Variants in CDH13 observed in about 807,000 individuals in gnomAD.
The protein encoded by CDH13 is cadherin 13, also known as cadherin-13.
A neutral mutation model predicts 63.8 loss-of-function variants in CDH13; 24 were observed. The ratio of observed to expected loss-of-function variants is 0.38; its 90% CI spans 0.27 to 0.53. The LOEUF (loss-of-function observed/expected upper bound fraction) is 0.53. CDH13 is among the 20% of genes least tolerant of loss of function. The probability of loss-of-function intolerance (pLI) is 0.85; values close to 1 mark genes in which losing one functional copy is unlikely to be tolerated. For synonymous variants in CDH13, 503 were observed against 355.3 expected, an observed-to-expected ratio of 1.42 and a Z score of -4.67; for missense variants, 1,049 against 903.1, an observed-to-expected ratio of 1.16 and a Z score of -2.07.
rs550907448 is a variant in CDH13 at position 83,117,377 on chromosome 16, G to A, written c.367-8008G>A. Among the ~76,000 whole-genome samples, 19 of 149,128 alleles carry A rather than the reference G, an allele frequency of 1.3e-4. No homozygotes were observed. In the East Asian group the frequency reaches 3.7e-3, roughly 29 times the overall value. On this transcript the variant is annotated intron_variant, in intron 3 of 13. Transcript: ENST00000567109. ...AGTGCCTCCTCCTCCTGCCCCCTTGGCCCATTCTTCCTCCATCTTCCACTG... is the reference window on the plus strand; with the variant it reads ...AGTGCCTCCTCCTCCTGCCCCCTTGACCCATTCTTCCTCCATCTTCCACTG...
At chr16:83,694,482 AGT>A (rs1365182009) in intron 10 of CDH13, among the ~76,000 whole-genome samples, 1 of 152,212 alleles carries the variant, frequency 6.6e-6, no homozygotes, top group African/African-American at 2.4e-5. Context: ...CCCTTCCACA[AGT>A]GTGAGTCTTC....
chr16:83,423,356 C>T (rs2071774557), intron 6 of CDH13, among the ~76,000 whole-genome samples: 1 of 152,114 alleles, frequency 6.6e-6, no homozygotes, highest in African/African-American at 2.4e-5. Flanking sequence ...GAAAAAAAGC[C>T]TAAAGCCACT....
intron 7 of CDH13, among the ~76,000 whole-genome samples, chr16:83,503,261 C>T (rs1175576951): frequency 6.6e-6 from 1 of 152,148 alleles, no homozygotes; most frequent in Non-Finnish European, 1.5e-5. Context: ...CTAAGAAATA[C>T]AGGACAACTG....
At chr16:82,888,470 T>G (rs2040967859) in intron 2 of CDH13, among the ~76,000 whole-genome samples, 1 of 152,232 alleles carries the variant, frequency 6.6e-6, no homozygotes. Flanking sequence ...AATGCCCCAG[T>G]GCTCTCTGTC....
At chr16:82,750,325 A>C (rs2034358088) in intron 1 of CDH13, among the ~76,000 whole-genome samples, 1 of 152,142 alleles carries the variant, frequency 6.6e-6, no homozygotes. Context: ...TCTGGTCTTT[A>C]ATCTGTTTTT....
chr16:82,703,964 TTTCCAA>T (rs1319668251), intron 1 of CDH13, among the ~76,000 whole-genome samples: 1 of 152,174 alleles, frequency 6.6e-6, no homozygotes, highest in Non-Finnish European at 1.5e-5. Context: ...CTTTTATCTG[TTTCCAA>T]TTTGTGTTTT....
At chr16:83,559,302 TG>T (rs1365455340) in intron 7 of CDH13, among the ~76,000 whole-genome samples, 1 of 152,172 alleles carries the variant, frequency 6.6e-6, no homozygotes, top group Non-Finnish European at 1.5e-5. Flanking sequence ...CCAGACATGG[TG>T]GTTCACACCT....
At chr16:83,175,789 G>C (rs1037153181) in intron 4 of CDH13, among the ~76,000 whole-genome samples, 9 of 146,522 alleles carry the variant, frequency 6.1e-5, no homozygotes, top group Non-Finnish European at 1.2e-4. Context: ...ACAAAAATAA[G>C]ATCATAATAT....
At chr16:83,248,474 A>T (rs2151822303) in intron 5 of CDH13, among the ~76,000 whole-genome samples, 1 of 152,266 alleles carries the variant, frequency 6.6e-6, no homozygotes, top group East Asian at 1.9e-4. Flanking sequence ...CATAAAAATT[A>T]CTTCCCAGGG....
intron 1 of CDH13, among the ~76,000 whole-genome samples, chr16:82,692,306 G>C: frequency 6.6e-6 from 1 of 152,324 alleles, no homozygotes; most frequent in South Asian, 2.1e-4. Context: ...ACCCTGCTTA[G>C]TAAAGACATA....
intron 2 of CDH13, among the ~76,000 whole-genome samples, chr16:82,997,822 T>A (rs1031333074): frequency 6.6e-6 from 1 of 152,212 alleles, no homozygotes; most frequent in African/African-American, 2.4e-5. Flanking sequence ...TGGGCTATTT[T>A]TAAATGGTAG....
rs113741335 is a variant in CDH13 at position 82,759,348 on chromosome 16, A to T, written c.46-99014A>T. 6.7e-3 allele frequency among the ~76,000 whole-genome samples: 1,021 copies of T among 152,254 alleles called. 2 individuals are homozygous for T. The highest frequency in any genetic ancestry group is 0.012 in the Non-Finnish European group (797 of 68,024). ...CAGGCTTTGCTTTTGGGATTATTCA[A>T]ACTGAGACAATAAAATACTACACCC... On this transcript the variant is annotated intron_variant, in intron 1 of 13. Transcript: ENST00000567109.
intron 11 of CDH13, among the ~76,000 whole-genome samples, chr16:83,763,759 C>A (rs1315324776): frequency 6.6e-6 from 1 of 152,160 alleles, no homozygotes; most frequent in Non-Finnish European, 1.5e-5. Flanking sequence ...ACTTCAAGCA[C>A]TCGCAAAATA....
In CDH13 at chr16:83,299,884, G is replaced by T. The variant is rs548124233; in HGVS notation, c.637-44978G>T. Among the ~76,000 whole-genome samples, 12 of 152,310 alleles carry T rather than the reference G, an allele frequency of 7.9e-5. No homozygotes were observed. The South Asian group carries it at 2.3e-3, about 29-fold the overall frequency. ...TCCTCATGGCTTAGCTCTGCTGGAGGCCTCAGGCTGTAATCACGATGCTGA... is the reference window on the plus strand; with the variant it reads ...TCCTCATGGCTTAGCTCTGCTGGAGTCCTCAGGCTGTAATCACGATGCTGA... On this transcript the variant is annotated intron_variant, in intron 5 of 13. Transcript: ENST00000567109.
chr16:82,825,395 C>G (rs948840101), intron 1 of CDH13: 2 of 151,962 alleles, frequency 1.3e-5, no homozygotes, highest in South Asian at 2.1e-4. Context: ...GCCTCACTTT[C>G]TAGTAGCAAA....
At position 83,540,455 on chromosome 16, in the gene CDH13, C is replaced by G. The variant is rs935216537; in HGVS notation, c.960+53800C>G. 7.2e-5 allele frequency among the ~76,000 whole-genome samples: 11 copies of G among 152,144 alleles called. 1 individual carries two copies. Among genetic ancestry groups the G allele is most frequent in the Non-Finnish European group, 2.9e-5 (2 of 68,032 alleles). Reference sequence around the variant, plus strand: ...GCTGACCAGTCATTACCACCTCCTCCTTGCTCTTTCTACCCAATAAATACA... The same window carrying G: ...GCTGACCAGTCATTACCACCTCCTCGTTGCTCTTTCTACCCAATAAATACA... On this transcript the variant is annotated intron_variant, in intron 7 of 13. Transcript: ENST00000567109.
At chr16:83,679,391 A>G (rs1473628769) in intron 10 of CDH13, among the ~76,000 whole-genome samples, 2 of 152,242 alleles carry the variant, frequency 1.3e-5, no homozygotes, top group Non-Finnish European at 2.9e-5. Flanking sequence ...TATTGGACAC[A>G]CTTAAAACGA....
chr16:82,794,301 CCT>C (rs954860779), intron 1 of CDH13, among the ~76,000 whole-genome samples: 22 of 150,120 alleles, frequency 1.5e-4, no homozygotes, highest in African/African-American at 4.8e-4. Flanking sequence ...TGGTTTAAAT[CCT>C]CTCTACAAAC....
intron 4 of CDH13, among the ~76,000 whole-genome samples, chr16:83,173,299 A>T (rs781199162): frequency 3.0e-4 from 45 of 152,104 alleles, no homozygotes; most frequent in African/African-American, 1.1e-3. Context: ...GCTGGGTTCT[A>T]TGTTCTCAAA....
Sources: allele counts gnomAD v4.1 joint callset (sites outside exome capture counted in the v4.1 genomes callset), GRCh38; gene constraint gnomAD v4.1.1; transcripts MANE v1.5; gene names NCBI Gene and HGNC (gene_info 2026-07-23, HGNC 2026-07-21).